Variants in EML4 observed in about 807,000 individuals in gnomAD.
The protein encoded by EML4 is EMAP like 4, also known as echinoderm microtubule-associated protein-like 4.
In EML4, 72 loss-of-function variants were observed where a neutral mutation model predicts 129.0. The ratio of observed to expected loss-of-function variants is 0.56; its 90% CI spans 0.46 to 0.68. The LOEUF (loss-of-function observed/expected upper bound fraction) is 0.68. Ranked by LOEUF, EML4 falls within the 30% of genes least tolerant of loss-of-function variation. EML4 has a pLI of 0.00. For missense variants in EML4, 1,363 were observed against 1,190.6 expected (o/e 1.14, Z -2.13); for synonymous variants, 532 against 405.0 (o/e 1.31, Z -3.77).
At position 42,331,926 on chromosome 2, in the gene EML4, T is replaced by C. The variant is rs556068977; in HGVS notation, c.*1719T>C. 7 of 215,642 alleles carry C rather than the reference T, an allele frequency of 3.2e-5. No individual in the cohort carries two copies. Among genetic ancestry groups the C allele is most frequent in the Non-Finnish European group, 6.6e-5 (7 of 106,778 alleles). 13.4% of individuals were successfully genotyped at this position (215,642 alleles called of 1,614,324 possible). On this transcript the variant is annotated 3_prime_UTR_variant, in exon 23 of 23. Coordinates refer to ENST00000318522, the MANE Select transcript of EML4 (RefSeq NM_019063.5). ...GTATCTGTATATCTTTCCTTTTGTTTACAACTGTTAAAAAACCTCAAAATA... is the reference window on the plus strand; with the variant it reads ...GTATCTGTATATCTTTCCTTTTGTTCACAACTGTTAAAAAACCTCAAAATA...
chr2:42,260,475 A>G (rs1481337677), intron 3 of EML4, among the ~76,000 whole-genome samples: 3 of 152,144 alleles, frequency 2.0e-5, no homozygotes, highest in Non-Finnish European at 4.4e-5. Context: ...CGCCTCTGTG[A>G]TTTTTTAAAT....
intron 21 of EML4, among the ~76,000 whole-genome samples, chr2:42,328,538 C>A (rs1669930946): frequency 6.6e-6 from 1 of 152,164 alleles, no homozygotes; most frequent in African/African-American, 2.4e-5. Flanking sequence ...AACTGATTCC[C>A]TCCATCCAGA....
chr2:42,276,554 A>G (rs893366298), intron 6 of EML4, among the ~76,000 whole-genome samples: 6 of 152,238 alleles, frequency 3.9e-5, no homozygotes, highest in Admixed American at 2.0e-4. Flanking sequence ...AAGATACTAT[A>G]GTGTACTAAA....
intron 16 of EML4, 55 bp downstream of exon 16, chr2:42,303,501 C>T: frequency 6.4e-7 from 1 of 1,572,838 alleles, no homozygotes; most frequent in Non-Finnish European, 8.7e-7. Context: ...CTCACACTGG[C>T]AGTTGAGAGC....
At chr2:42,296,523 A>G (rs1468313004) in intron 13 of EML4, among the ~76,000 whole-genome samples, 1 of 151,936 alleles carries the variant, frequency 6.6e-6, no homozygotes, top group Non-Finnish European at 1.5e-5. Context: ...AGACCATGAA[A>G]ATCACCCTAA....
At chr2:42,257,707 G>A (rs1213135379) in intron 3 of EML4, among the ~76,000 whole-genome samples, 1 of 152,048 alleles carries the variant, frequency 6.6e-6, no homozygotes, top group Non-Finnish European at 1.5e-5. Flanking sequence ...CGTGGTGGCA[G>A]GTGTCTGTAG....
chr2:42,195,761 C>G (rs919164157), intron 1 of EML4, among the ~76,000 whole-genome samples: 2 of 152,098 alleles, frequency 1.3e-5, no homozygotes, highest in African/African-American at 4.8e-5. Flanking sequence ...TTTCAAGGAG[C>G]TTTATTGCAA....
intron 1 of EML4, among the ~76,000 whole-genome samples, chr2:42,216,579 C>T (rs554506282): frequency 6.6e-6 from 1 of 152,092 alleles, no homozygotes; most frequent in African/African-American, 2.4e-5. Flanking sequence ...ATCCACAATC[C>T]TAGTATGAGT....
At chr2:42,247,454 G>T (rs1675482942) in intron 2 of EML4, among the ~76,000 whole-genome samples, 1 of 152,022 alleles carries the variant, frequency 6.6e-6, no homozygotes, top group Non-Finnish European at 1.5e-5. Flanking sequence ...CCGGTTTTGT[G>T]ATTCCCACTC....
intron 1 of EML4, among the ~76,000 whole-genome samples, chr2:42,214,648 A>C (rs1673076683): frequency 6.6e-6 from 1 of 152,150 alleles, no homozygotes; most frequent in East Asian, 1.9e-4. Flanking sequence ...TTGGCTAGGC[A>C]ATTCTTCTTT....
At chr2:42,204,017 T>G (rs184035747) in intron 1 of EML4, among the ~76,000 whole-genome samples, 1 of 152,244 alleles carries the variant, frequency 6.6e-6, no homozygotes, top group African/African-American at 2.4e-5. Flanking sequence ...ACTCCTGGGT[T>G]CAAGGGATCC....
intron 6 of EML4, among the ~76,000 whole-genome samples, chr2:42,272,221 C>G (rs375620429): frequency 6.6e-6 from 1 of 152,016 alleles, no homozygotes; most frequent in Non-Finnish European, 1.5e-5. Context: ...GGAAGAGTTG[C>G]GGTTGATCAG....
intron 1 of EML4, among the ~76,000 whole-genome samples, chr2:42,206,059 G>A (rs1672521313): frequency 1.3e-5 from 2 of 151,950 alleles, no homozygotes; most frequent in Non-Finnish European, 2.9e-5. Context: ...AATTACTCTT[G>A]TTCTGCTTTG....
chr2:42,325,003 G>A (rs564659630), intron 19 of EML4, among the ~76,000 whole-genome samples: 62 of 152,040 alleles, frequency 4.1e-4, no homozygotes, highest in Admixed American at 2.8e-3. Context: ...GACCATATAC[G>A]GGTGCTGTAT....
At chr2:42,261,090 G>A (rs748810213) in intron 3 of EML4, 31 bp from the exon 4 acceptor site, 15 of 1,499,868 alleles carry the variant, frequency 1.0e-5, no homozygotes, top group African/African-American at 2.8e-5. Context: ...GTTTAAATGT[G>A]TATTGTTCCA....
intron 1 of EML4, among the ~76,000 whole-genome samples, chr2:42,178,383 A>C (rs891082888): frequency 6.6e-6 from 1 of 151,620 alleles, no homozygotes. Context: ...TCTCTACCAA[A>C]AAAAAAAAAC....
chr2:42,274,953 T>G (rs371673178), intron 6 of EML4, among the ~76,000 whole-genome samples: 5 of 152,344 alleles, frequency 3.3e-5, no homozygotes, highest in African/African-American at 9.6e-5. Context: ...TCTTCTACTG[T>G]ACTCCCTGAT....
chr2:42,191,080 A>T (rs377384139), intron 1 of EML4, among the ~76,000 whole-genome samples: 2 of 152,340 alleles, frequency 1.3e-5, no homozygotes, highest in African/African-American at 4.8e-5. Flanking sequence ...ATATATGTGC[A>T]TACTTTTTAA....
intron 7 of EML4, among the ~76,000 whole-genome samples, chr2:42,282,018 T>G (rs1037131042): frequency 2.0e-5 from 3 of 152,336 alleles, no homozygotes; most frequent in African/African-American, 7.2e-5. Flanking sequence ...ATTACTTATT[T>G]ATCATTTAGG....
Sources: allele counts gnomAD v4.1 joint callset (sites outside exome capture counted in the v4.1 genomes callset), GRCh38; gene constraint gnomAD v4.1.1; transcripts MANE v1.5; gene names NCBI Gene and HGNC (gene_info 2026-07-23, HGNC 2026-07-21).